The following GOLGA6L9 variants were observed in gnomAD, a reference collection of about 807,000 sequenced individuals.
GOLGA6L9 encodes the protein golgin A6 family like 9, also known as golgin subfamily A member 6-like protein 9.
GOLGA6L9 carries 19 observed loss-of-function variants against 51.3 expected under a neutral mutation model. The ratio of observed to expected loss-of-function variants is 0.37; its 90% CI spans 0.26 to 0.54. The LOEUF is 0.54. Ranked by LOEUF, GOLGA6L9 falls within the 20% of genes least tolerant of loss-of-function variation. The probability of loss-of-function intolerance (pLI) is 0.83; values close to 1 mark genes in which losing one functional copy is unlikely to be tolerated. For synonymous variants in GOLGA6L9, 97 were observed against 184.2 expected (o/e 0.53, Z 3.83); for missense variants, 247 against 464.1 (o/e 0.53, Z 4.30).
In GOLGA6L9 at chr15:82,429,875, T is replaced by C; in HGVS notation, c.-205T>C. ...GTTGCATGGGCAGCTTTCCTTATGATGCTACAGGTCCCTCTGGACATGCTG... is the reference window on the plus strand; with the variant it reads ...GTTGCATGGGCAGCTTTCCTTATGACGCTACAGGTCCCTCTGGACATGCTG... On this transcript the variant is annotated 5_prime_UTR_variant, in exon 1 of 9. The change abolishes an upstream ATG in the 5' untranslated region. Coordinates refer to ENST00000618348, the MANE Select transcript of GOLGA6L9 (RefSeq NM_198181.4). 1.3e-6 allele frequency: 1 copy of C among 750,056 alleles called. No homozygotes were observed. Among genetic ancestry groups the C allele is most frequent in the Non-Finnish European group, 2.4e-6 (1 of 421,608 alleles). 46.5% of individuals were successfully genotyped at this position (750,056 alleles called of 1,614,324 possible).
chr15:82,417,647 G>A, the GOLGA6L9 span, among the ~76,000 whole-genome samples: 2 of 152,212 alleles, frequency 1.3e-5, no homozygotes, highest in Non-Finnish European at 2.9e-5. Flanking sequence ...TACTTTAAAG[G>A]AAAGGTGGTG....
chr15:82,419,861 G>A, the GOLGA6L9 span: 1 of 176,950 alleles, frequency 5.7e-6, no homozygotes, highest in Non-Finnish European at 1.2e-5. Context: ...TTTTCCCCTT[G>A]ACTCCAGACT....
chr15:82,438,110 T>A lies in GOLGA6L9; in HGVS notation c.*1699T>A, dbSNP rs1194359897. The stretch of plus-strand genomic sequence containing the variant: ...TGTTAATTAGCCACATTATTTGGTC[T>A]AACAGTTTATCATTCTGAAACTGAG... On this transcript the variant is annotated 3_prime_UTR_variant, in exon 9 of 9. Coordinates refer to ENST00000618348, the MANE Select transcript of GOLGA6L9 (RefSeq NM_198181.4). 10 of 136,524 alleles carry A rather than the reference T, an allele frequency of 7.3e-5. No homozygotes were observed. Among genetic ancestry groups the A allele is most frequent in the African/African-American group, 2.6e-4 (10 of 38,596 alleles). The allele number at this position is 136,524 out of a possible 1,614,324, so 8.5% of individuals were successfully genotyped here.
In GOLGA6L9 at chr15:82,436,561, T is replaced by C. The variant is rs1382967468; in HGVS notation, c.*150T>C. On this transcript the variant is annotated 3_prime_UTR_variant, in exon 9 of 9. Coordinates refer to ENST00000618348, the MANE Select transcript of GOLGA6L9 (RefSeq NM_198181.4). ...TTATTTGTGTTTCTAATTTATAGTTTAAATTTATTTGTTTCTAATTTATAG... is the reference window on the plus strand; with the variant it reads ...TTATTTGTGTTTCTAATTTATAGTTCAAATTTATTTGTTTCTAATTTATAG... 8 of 902,220 alleles carry C rather than the reference T, an allele frequency of 8.9e-6. No individual in the cohort carries two copies. Among genetic ancestry groups the C allele is most frequent in the Non-Finnish European group, 1.3e-5 (8 of 625,812 alleles). 55.9% of individuals were successfully genotyped at this position (902,220 alleles called of 1,614,324 possible). A position where few individuals can be genotyped will look rare whatever the true frequency, so the allele number is the denominator to read the frequency against.
rs1464538666 is a variant in GOLGA6L9 at position 82,434,365 on chromosome 15, G to A, written c.765G>A (p.Leu255=). ...GGCTGCTGGAAGAGGTGGAGAAGCT[G>A]TTAGAACAGGAGAGGCGGCAGGAGG... ...QERLLEEVEK[L]LEQERRQEEQ... Residue 255 remains leucine, a synonymous_variant, in exon 6 of 9, where the codon CTG becomes CTA. Transcript: ENST00000618348. 11 of 1,522,194 alleles carry A rather than the reference G, an allele frequency of 7.2e-6. No homozygotes were observed. The highest frequency in any genetic ancestry group is 4.9e-5 in the East Asian group (2 of 40,880). 94.3% of individuals were successfully genotyped at this position (1,522,194 alleles called of 1,614,324 possible).
the GOLGA6L9 span, among the ~76,000 whole-genome samples, chr15:82,418,137 A>G: frequency 6.6e-6 from 1 of 152,224 alleles, no homozygotes; most frequent in African/African-American, 2.4e-5. Flanking sequence ...CCCTCATTTT[A>G]TTATTGAATA....
At chr15:82,416,408 G>A in the GOLGA6L9 span, among the ~76,000 whole-genome samples, 1 of 152,080 alleles carries the variant, frequency 6.6e-6, no homozygotes, top group Non-Finnish European at 1.5e-5. Context: ...TAACAGTAAA[G>A]AAACTGTTTT....
chr15:82,433,094 T>A (rs1172052027), intron 4 of GOLGA6L9, among the ~76,000 whole-genome samples, 197 bp downstream of exon 4: 10 of 151,386 alleles, frequency 6.6e-5, no homozygotes, highest in Non-Finnish European at 1.3e-4. Flanking sequence ...CTTTGCTGAC[T>A]CTCTCTTCTC....
At position 82,436,296 on chromosome 15, in the gene GOLGA6L9, C is replaced by T; in HGVS notation, c.1184C>T (p.Pro395Leu). The T allele has an allele frequency of 6.3e-7, 1 of 1,581,904 alleles. No homozygotes were observed. The highest frequency in any genetic ancestry group is 8.5e-7 in the Non-Finnish European group (1 of 1,170,534). ...TAATGCAGGACTCCCCAGGAGCACCCAGGCTTGAGTGGAGAAGCTGTTGGT... is the reference window on the plus strand; with the variant it reads ...TAATGCAGGACTCCCCAGGAGCACCTAGGCTTGAGTGGAGAAGCTGTTGGT... Reference protein sequence around the residue: ...GQAGWTPQEHPGLSGEAVGTG... With the variant: ...GQAGWTPQEHLGLSGEAVGTG... The change falls in exon 9 of 9, where the codon CCA (proline) becomes CTA (leucine). Residue 395 changes from proline to leucine, a missense_variant. Transcript: ENST00000618348.
chr15:82,438,190 T>C lies in GOLGA6L9; in HGVS notation c.*1779T>C, dbSNP rs2031780153. 6.7e-6 allele frequency: 1 copy of C among 148,320 alleles called. No individual in the cohort carries two copies. Among genetic ancestry groups the C allele is most frequent in the Admixed American group, 6.7e-5 (1 of 14,914 alleles). The allele number at this position is 148,320 out of a possible 1,614,324, so 9.2% of individuals were successfully genotyped here. A position where few individuals can be genotyped will look rare whatever the true frequency, so the allele number is the denominator to read the frequency against. The stretch of plus-strand genomic sequence containing the variant: ...AAGGTATTTTTATAGTTCAAATCGC[T>C]TCACTTTTACCCTGACACGTATAAA... On this transcript the variant is annotated 3_prime_UTR_variant, in exon 9 of 9. Transcript: ENST00000618348.
intron 2 of GOLGA6L9, 99 bp from the exon 3 acceptor site, chr15:82,432,473 A>G: frequency 1.4e-6 from 2 of 1,468,660 alleles, no homozygotes; most frequent in Non-Finnish European, 1.8e-6. Context: ...ATAGGCAGAA[A>G]AGAAGCTTTT....
At chr15:82,420,850 A>G in the GOLGA6L9 span, among the ~76,000 whole-genome samples, 6 of 150,904 alleles carry the variant, frequency 4.0e-5, no homozygotes, top group Non-Finnish European at 8.8e-5. Context: ...TTCCATGACC[A>G]TGACTTTTGA....
Position 82,434,209 on chromosome 15 carries a change from A to G in GOLGA6L9, c.609A>G (p.Glu203=), listed in dbSNP as rs2031551838. The change falls in exon 6 of 9, where the codon GAA becomes GAG. Residue 203 remains glutamate (E), a synonymous_variant. Transcript: ENST00000618348. ...LNRRQEERLR[E]QEERLREQEE... ...GGAGACAGGAGGAGAGGCTACGTGA[A>G]CAGGAGGAGAGGCTACGTGAACAGG... 5 of 1,560,420 alleles carry G rather than the reference A, an allele frequency of 3.2e-6. No individual in the cohort carries two copies. The South Asian group carries it at 5.8e-5, about 18-fold the overall frequency.
At chr15:82,417,497 A>G in the GOLGA6L9 span, among the ~76,000 whole-genome samples, 3 of 152,312 alleles carry the variant, frequency 2.0e-5, no homozygotes, top group South Asian at 6.2e-4. Context: ...TACTAGAACT[A>G]CTTCTGTCTT....
chr15:82,432,556 C>T lies in GOLGA6L9; in HGVS notation c.205-16C>T. Reference sequence around the variant, plus strand: ...GGGGGACAGAACATCTCCATGTGCACTCTCATCTCTTGGAGTCAGCAACAG... The same window carrying T: ...GGGGGACAGAACATCTCCATGTGCATTCTCATCTCTTGGAGTCAGCAACAG... On this transcript the variant is annotated splice_polypyrimidine_tract_variant and intron_variant, in intron 2 of 8. Transcript: ENST00000618348. The T allele has an allele frequency of 1.9e-6, 3 of 1,601,662 alleles. No individual in the cohort carries two copies. Among genetic ancestry groups the T allele is most frequent in the Non-Finnish European group, 2.5e-6 (3 of 1,179,388 alleles).
Position 82,437,826 on chromosome 15 carries a change from T to C in GOLGA6L9, c.*1415T>C, listed in dbSNP as rs1423338742. 3 of 151,312 alleles carry C rather than the reference T, an allele frequency of 2.0e-5. No homozygotes were observed. In the East Asian group the frequency reaches 5.8e-4, roughly 29 times the overall value. The allele number at this position is 151,312 out of a possible 1,614,324, so 9.4% of individuals were successfully genotyped here. ...TGCAGCACAATCTACTGTTCGTGAA[T>C]GTCAAAGTGTCATGAGGAAAGTGTC... is the stretch of plus-strand genomic sequence containing the variant. On this transcript the variant is annotated 3_prime_UTR_variant, in exon 9 of 9. Coordinates refer to ENST00000618348, the MANE Select transcript of GOLGA6L9 (RefSeq NM_198181.4).
chr15:82,431,829 G>C lies in GOLGA6L9; in HGVS notation c.85-1G>C, dbSNP rs2031413020. The C allele has an allele frequency of 6.7e-7, 1 of 1,483,210 alleles. No homozygotes were observed. Among genetic ancestry groups the C allele is most frequent in the East Asian group, 2.8e-5 (1 of 35,922 alleles). The allele number at this position is 1,483,210 out of a possible 1,614,324, so 91.9% of individuals were successfully genotyped here. A position where few individuals can be genotyped will look rare whatever the true frequency, so the allele number is the denominator to read the frequency against. ...AGTGTTACTGCTCTTCTTTCCCACA[G>C]TTAAAAGCATATTGGCAGAGGAAGA... On this transcript the variant is annotated splice_acceptor_variant, in intron 1 of 8. Coordinates refer to ENST00000618348, the MANE Select transcript of GOLGA6L9 (RefSeq NM_198181.4). LOFTEE classifies it high-confidence loss of function.
At chr15:82,427,274 TCTTA>T (rs1282851887), upstream of GOLGA6L9, among the ~76,000 whole-genome samples, 63 of 148,248 alleles carry the variant, frequency 4.2e-4, no homozygotes, top group African/African-American at 1.5e-3. Context: ...TGCTTTCCAT[TCTTA>T]CTTTCTTTTC....
chr15:82,433,248 TCTC>T (rs2031491941), intron 4 of GOLGA6L9, among the ~76,000 whole-genome samples: 2 of 151,634 alleles, frequency 1.3e-5, no homozygotes, highest in African/African-American at 2.4e-5. Flanking sequence ...ACAAGCCATC[TCTC>T]CTCTTTATGC....
Sources: allele counts gnomAD v4.1 joint callset (sites outside exome capture counted in the v4.1 genomes callset), GRCh38; gene constraint gnomAD v4.1.1; transcripts MANE v1.5; gene names NCBI Gene and HGNC (gene_info 2026-07-23, HGNC 2026-07-21).